Variants in TMEM30A observed in about 807,000 individuals in gnomAD.
TMEM30A encodes cell division cycle 50 P4-ATPase accessory subunit A, also known as cell cycle control protein 50A.
TMEM30A carries 24 observed loss-of-function variants against 38.2 expected under a neutral mutation model. That is an observed-to-expected ratio of 0.63 (90% confidence interval 0.46 to 0.88). The LOEUF is 0.88. Ranked by LOEUF, TMEM30A falls within the 40% of genes least tolerant of loss-of-function variation. The probability of loss-of-function intolerance (pLI) is 0.00; values close to 1 mark genes in which losing one functional copy is unlikely to be tolerated. For synonymous variants in TMEM30A, 145 were observed against 161.6 expected, an observed-to-expected ratio of 0.90 and a Z score of 0.78; for missense variants, 370 against 458.6, an observed-to-expected ratio of 0.81 and a Z score of 1.77.
intron 3 of TMEM30A, among the ~76,000 whole-genome samples, chr6:75,262,656 CAACA>C (rs1374060884): frequency 6.8e-6 from 1 of 146,030 alleles, no homozygotes; most frequent in Non-Finnish European, 1.5e-5. Flanking sequence ...AAAAAAAAAA[CAACA>C]AACAACAACA....
chr6:75,275,569 C>A (rs1028922650), intron 1 of TMEM30A, among the ~76,000 whole-genome samples: 2 of 152,196 alleles, frequency 1.3e-5, no homozygotes, highest in Admixed American at 1.3e-4. Flanking sequence ...ATCAAAATAT[C>A]TTAGTCATCT....
intron 1 of TMEM30A, among the ~76,000 whole-genome samples, chr6:75,283,943 T>C (rs184546396): frequency 6.6e-6 from 1 of 152,308 alleles, no homozygotes; most frequent in Non-Finnish European, 1.5e-5. Flanking sequence ...GGTGTCCATC[T>C]CTGTGTCTTG....
At chr6:75,262,591 G>A (rs240387) in intron 3 of TMEM30A, among the ~76,000 whole-genome samples, 133,876 of 151,500 alleles carry the variant, frequency 0.88, 59,689 homozygotes, top group Non-Finnish European at 0.95. Context: ...GCAGTGAGCC[G>A]AGATCGCACC....
At position 75,255,360 on chromosome 6, in the gene TMEM30A, G is replaced by C. The variant is rs1771850816; in HGVS notation, c.*742C>G. 1 of 152,474 alleles carries C rather than the reference G, an allele frequency of 6.6e-6. No homozygotes were observed. Among genetic ancestry groups the C allele is most frequent in the South Asian group, 2.1e-4 (1 of 4,832 alleles). 9.4% of individuals were successfully genotyped at this position (152,474 alleles called of 1,614,324 possible). Reference sequence around the variant, plus strand: ...TTCCCTTATAAAGTATAAGCTTCAAGGGAAATGATTACATATAAAAACATT... The same window carrying C: ...TTCCCTTATAAAGTATAAGCTTCAACGGAAATGATTACATATAAAAACATT... On this transcript the variant is annotated 3_prime_UTR_variant, in exon 7 of 7. Transcript: ENST00000230461.
At chr6:75,284,322 C>T in intron 1 of TMEM30A, 80 bp downstream of exon 1, 1 of 1,372,554 alleles carries the variant, frequency 7.3e-7, no homozygotes, top group African/African-American at 1.4e-5. Flanking sequence ...GGATTCTGGG[C>T]GCTGGGAAAG....
chr6:75,267,103 G>T (rs543061621), intron 2 of TMEM30A, among the ~76,000 whole-genome samples: 1 of 152,220 alleles, frequency 6.6e-6, no homozygotes, highest in African/African-American at 2.4e-5. Context: ...CTTTATGTCC[G>T]TTAGCATGTA....
Position 75,284,762 on chromosome 6 carries a change from C to T in TMEM30A, c.-124G>A. The T allele has an allele frequency of 1.2e-6, 1 of 862,994 alleles. No individual in the cohort carries two copies. Among genetic ancestry groups the T allele is most frequent in the Non-Finnish European group, 1.9e-6 (1 of 524,612 alleles). 53.5% of individuals were successfully genotyped at this position (862,994 alleles called of 1,614,324 possible). A position where few individuals can be genotyped will look rare whatever the true frequency, so the allele number is the denominator to read the frequency against. Reference sequence around the variant, plus strand: ...GCCGCCGCAGCCACCAGCGCCACCGCCACAGCCACCTCCGCTGTAGAGCGG... The same window carrying T: ...GCCGCCGCAGCCACCAGCGCCACCGTCACAGCCACCTCCGCTGTAGAGCGG... On this transcript the variant is annotated 5_prime_UTR_variant, in exon 1 of 7. Transcript: ENST00000230461.
chr6:75,268,627 T>G (rs1772107714), intron 1 of TMEM30A, among the ~76,000 whole-genome samples: 1 of 152,212 alleles, frequency 6.6e-6, no homozygotes, highest in African/African-American at 2.4e-5. Context: ...CCTTGCTATA[T>G]GTGTCTTCTA....
Position 75,255,890 on chromosome 6 carries a change from G to A in TMEM30A, c.*212C>T, listed in dbSNP as rs566733488. On this transcript the variant is annotated 3_prime_UTR_variant, in exon 7 of 7. Coordinates refer to ENST00000230461, the MANE Select transcript of TMEM30A (RefSeq NM_018247.4). ...ATGCCATTTCAGCAGTTACAGTGTT[G>A]ATATGATCAATATAGCTAATTTTTT... 1 of 451,704 alleles carries A rather than the reference G, an allele frequency of 2.2e-6. No homozygotes were observed. The highest frequency in any genetic ancestry group is 3.5e-5 in the East Asian group (1 of 28,796). The allele number at this position is 451,704 out of a possible 1,614,324, so 28.0% of individuals were successfully genotyped here. A position where few individuals can be genotyped will look rare whatever the true frequency, so the allele number is the denominator to read the frequency against.
chr6:75,278,460 T>A (rs902470121), intron 1 of TMEM30A, among the ~76,000 whole-genome samples: 1 of 152,144 alleles, frequency 6.6e-6, no homozygotes, highest in Non-Finnish European at 1.5e-5. Context: ...TCAAGAACCT[T>A]CTTTAAAAGG....
chr6:75,263,250 A>G (rs1772003694), intron 3 of TMEM30A, among the ~76,000 whole-genome samples: 1 of 152,244 alleles, frequency 6.6e-6, no homozygotes, highest in Admixed American at 6.5e-5. Flanking sequence ...TGGTGAATGT[A>G]GCTGGAGCAT....
intron 1 of TMEM30A, among the ~76,000 whole-genome samples, chr6:75,279,146 C>G (rs1166770767): frequency 6.6e-6 from 1 of 152,118 alleles, no homozygotes; most frequent in Non-Finnish European, 1.5e-5. Flanking sequence ...GAGGGAAGTC[C>G]TGTGCCCAAA....
intron 1 of TMEM30A, among the ~76,000 whole-genome samples, chr6:75,277,613 A>T (rs529973136): frequency 1.1e-3 from 154 of 140,396 alleles, no homozygotes; most frequent in African/African-American, 4.6e-3. Context: ...TATTTTTTTT[A>T]AAAAAAGGCC....
Position 75,256,195 on chromosome 6 carries a change from A to T in TMEM30A, c.993T>A (p.Ala331=). The change falls in exon 7 of 7, where the codon GCT becomes GCA. Residue 331 remains alanine, a synonymous_variant. Transcript: ENST00000230461. ...KNPFLGIAYI[A]VGSISFLLGV... ...CCAGAAGGAAGGAGATGGATCCAAC[A>T]GCGATGTAAGCAATCCCCAAAAATG... 6.2e-7 allele frequency: 1 copy of T among 1,613,578 alleles called. No homozygotes were observed. The highest frequency in any genetic ancestry group is 8.5e-7 in the Non-Finnish European group (1 of 1,179,570).
chr6:75,267,765 T>C lies in TMEM30A; in HGVS notation c.238-17A>G, dbSNP rs1449921910. ...ATAATCAATCTGCAAGAGAAAAATATAACTAAGCACTTCCTTAGAGAAAGT... is the reference window on the plus strand; with the variant it reads ...ATAATCAATCTGCAAGAGAAAAATACAACTAAGCACTTCCTTAGAGAAAGT... On this transcript the variant is annotated splice_polypyrimidine_tract_variant and intron_variant, in intron 1 of 6. Transcript: ENST00000230461. 2 of 1,549,844 alleles carry C rather than the reference T, an allele frequency of 1.3e-6. No individual in the cohort carries two copies. Among genetic ancestry groups the C allele is most frequent in the South Asian group, 2.4e-5 (2 of 84,898 alleles).
chr6:75,267,351 T>TA (rs1291953095), intron 2 of TMEM30A, among the ~76,000 whole-genome samples: 2 of 152,164 alleles, frequency 1.3e-5, no homozygotes, highest in African/African-American at 2.4e-5. Context: ...TAAAACTTGA[T>TA]AAAAAATTGA....
rs79930759 is a variant in TMEM30A, at chr6:75,258,471, C to G, written c.892+309G>C. ...ACCCAATTTTAGGTACTCTCATTGG[C>G]CTTTACATTAAGCCCAATTACAATC... On this transcript the variant is annotated intron_variant, in intron 6 of 6. Coordinates refer to ENST00000230461, the MANE Select transcript of TMEM30A (RefSeq NM_018247.4). Among the ~76,000 whole-genome samples, 1,071 of 152,144 alleles carry G rather than the reference C, an allele frequency of 7.0e-3. 33 individuals carry two copies. The East Asian group carries it at 0.11, about 15-fold the overall frequency.
chr6:75,269,698 C>T (rs1489205731), intron 1 of TMEM30A, among the ~76,000 whole-genome samples: 2 of 151,864 alleles, frequency 1.3e-5, no homozygotes, highest in African/African-American at 4.8e-5. Flanking sequence ...AGTATGTTTG[C>T]TTTTTCTTTT....
chr6:75,268,955 C>A (rs183842047), intron 1 of TMEM30A, among the ~76,000 whole-genome samples: 1 of 152,066 alleles, frequency 6.6e-6, no homozygotes, highest in East Asian at 1.9e-4. Context: ...CTGGCCTGAT[C>A]GCTAAATTGA....
Sources: gnomAD v4.1 joint callset for allele counts (sites outside exome capture counted in the v4.1 genomes callset) on GRCh38, gnomAD v4.1.1 for gene constraint, MANE v1.5 for transcripts, NCBI Gene and HGNC (gene_info 2026-07-23, HGNC 2026-07-21) for gene names.